TACR1: variants seen among roughly 807,000 people sequenced by gnomAD.
TACR1 encodes the protein tachykinin receptor 1.
A neutral mutation model predicts 35.8 loss-of-function variants in TACR1; 25 were observed. That is an observed-to-expected ratio of 0.70 (90% CI 0.51 to 0.98). TACR1 has a LOEUF of 0.98. Ranked by LOEUF, TACR1 falls within the 50% of genes least tolerant of loss-of-function variation. The pLI is 0.00. For synonymous variants in TACR1, 195 were observed against 206.7 expected (o/e 0.94, Z 0.48); for missense variants, 478 against 522.9 (o/e 0.91, Z 0.84).
At chr2:75,115,453 AT>A (rs1673833495) in intron 2 of TACR1, among the ~76,000 whole-genome samples, 1 of 152,196 alleles carries the variant, frequency 6.6e-6, no homozygotes, top group Non-Finnish European at 1.5e-5. Context: ...GATATAGTCT[AT>A]TTTTGAGATT....
At chr2:75,084,185 C>T (rs1025491143) in intron 2 of TACR1, among the ~76,000 whole-genome samples, 1 of 152,144 alleles carries the variant, frequency 6.6e-6, no homozygotes, top group African/African-American at 2.4e-5. Context: ...TTGAGATAAT[C>T]ATGTGGTTTT....
intron 1 of TACR1, among the ~76,000 whole-genome samples, chr2:75,147,167 C>A (rs75289527): frequency 0.023 from 3,452 of 152,298 alleles, 116 homozygotes; most frequent in African/African-American, 0.078. Context: ...TAAATAAACA[C>A]CATGTTCCTT....
At chr2:75,083,833 C>G (rs1673139661) in intron 2 of TACR1, among the ~76,000 whole-genome samples, 1 of 152,074 alleles carries the variant, frequency 6.6e-6, no homozygotes, top group Non-Finnish European at 1.5e-5. Flanking sequence ...TGGGCTGAGA[C>G]CATGGGGTTT....
At chr2:75,089,572 TA>T (rs766367516) in intron 2 of TACR1, among the ~76,000 whole-genome samples, 7 of 152,130 alleles carry the variant, frequency 4.6e-5, no homozygotes, top group Admixed American at 2.6e-4. Flanking sequence ...TTTCAAACTT[TA>T]AAAAAATAAG....
intron 2 of TACR1, among the ~76,000 whole-genome samples, chr2:75,102,505 T>C (rs1484521853): frequency 6.6e-6 from 1 of 152,042 alleles, no homozygotes; most frequent in East Asian, 1.9e-4. Flanking sequence ...TGACAGTAAG[T>C]GTTAGGTTAT....
At chr2:75,190,511 A>G (rs1675818388) in intron 1 of TACR1, among the ~76,000 whole-genome samples, 1 of 152,218 alleles carries the variant, frequency 6.6e-6, no homozygotes, top group Non-Finnish European at 1.5e-5. Flanking sequence ...GAAGGAATCC[A>G]GGAGGAGGCT....
intron 1 of TACR1, among the ~76,000 whole-genome samples, chr2:75,158,142 C>T (rs889266826): frequency 1.3e-5 from 2 of 152,222 alleles, no homozygotes; most frequent in East Asian, 3.8e-4. Flanking sequence ...CAACTGGGTC[C>T]TCCAACACTT....
intron 1 of TACR1, among the ~76,000 whole-genome samples, chr2:75,192,845 G>T (rs991350171): frequency 1.3e-5 from 2 of 152,126 alleles, no homozygotes; most frequent in African/African-American, 2.4e-5. Flanking sequence ...ATAAATAAAA[G>T]ATATCATTAT....
chr2:75,179,198 T>G lies in TACR1; in HGVS notation c.389+19348A>C, dbSNP rs946552503. On this transcript the variant is annotated intron_variant, in intron 1 of 4. Transcript: ENST00000305249. ...TCAGCATTCTCCCAGTTGCTCAGCA[T>G]CAAACCTAGCAGTCATTCTTGACTG... 4.6e-5 allele frequency among the ~76,000 whole-genome samples: 7 copies of G among 152,246 alleles called. No individual in the cohort carries two copies. In the South Asian group the frequency reaches 1.4e-3, roughly 32 times the overall value.
At chr2:75,172,427 G>C (rs1675309775) in intron 1 of TACR1, among the ~76,000 whole-genome samples, 2 of 152,122 alleles carry the variant, frequency 1.3e-5, no homozygotes, top group Non-Finnish European at 2.9e-5. Flanking sequence ...ATCTGAGAAG[G>C]AATATGAGAA....
intron 2 of TACR1, among the ~76,000 whole-genome samples, chr2:75,095,933 A>G (rs1673413802): frequency 6.6e-6 from 1 of 152,186 alleles, no homozygotes; most frequent in African/African-American, 2.4e-5. Flanking sequence ...GGCGGGACTT[A>G]CACTGTGAGT....
chr2:75,185,921 G>T (rs893227042), intron 1 of TACR1, among the ~76,000 whole-genome samples: 1 of 152,108 alleles, frequency 6.6e-6, no homozygotes, highest in African/African-American at 2.4e-5. Flanking sequence ...ACCCCCCAGG[G>T]TTTAAGCATG....
At chr2:75,124,842 T>C (rs557260979) in intron 1 of TACR1, among the ~76,000 whole-genome samples, 18 of 152,312 alleles carry the variant, frequency 1.2e-4, no homozygotes, top group Middle Eastern at 3.4e-3. Context: ...TAGGAGAAGA[T>C]GGTGTGATAT....
chr2:75,138,532 GA>G (rs1304081323), intron 1 of TACR1, among the ~76,000 whole-genome samples: 3 of 152,138 alleles, frequency 2.0e-5, no homozygotes, highest in Non-Finnish European at 4.4e-5. Flanking sequence ...CGAAACTGAG[GA>G]AATGTTTGAA....
chr2:75,177,866 G>A (rs1183543592), intron 1 of TACR1, among the ~76,000 whole-genome samples: 1 of 152,114 alleles, frequency 6.6e-6, no homozygotes, highest in Non-Finnish European at 1.5e-5. Context: ...AAATATTTCT[G>A]TAGTCACTTC....
chr2:75,054,613 T>A (rs1672536566), intron 2 of TACR1, among the ~76,000 whole-genome samples: 1 of 152,186 alleles, frequency 6.6e-6, no homozygotes, highest in South Asian at 2.1e-4. Flanking sequence ...GGAAGGCTCC[T>A]TTTCAGACTT....
At chr2:75,062,984 G>C (rs1420699211) in intron 2 of TACR1, among the ~76,000 whole-genome samples, 1 of 152,194 alleles carries the variant, frequency 6.6e-6, no homozygotes, top group Non-Finnish European at 1.5e-5. Context: ...CCACATGGGT[G>C]GGGAGGCCTC....
intron 1 of TACR1, among the ~76,000 whole-genome samples, chr2:75,191,976 A>C (rs1193236586): frequency 6.6e-6 from 1 of 151,930 alleles, no homozygotes; most frequent in Non-Finnish European, 1.5e-5. Context: ...AGGTACAGAC[A>C]GTTGCAACAC....
At chr2:75,155,272 C>G (rs1434680056) in intron 1 of TACR1, among the ~76,000 whole-genome samples, 2 of 152,132 alleles carry the variant, frequency 1.3e-5, no homozygotes, top group Non-Finnish European at 2.9e-5. Context: ...GTCTTCTTGC[C>G]TGGTATGGCT....
Sources: allele counts gnomAD v4.1 joint callset (sites outside exome capture counted in the v4.1 genomes callset), GRCh38; gene constraint gnomAD v4.1.1; transcripts MANE v1.5; gene names NCBI Gene and HGNC (gene_info 2026-07-23, HGNC 2026-07-21).